DNMT3A: variants seen among roughly 807,000 people sequenced by gnomAD.
DNMT3A encodes DNA methyltransferase 3 alpha.
A neutral mutation model predicts 117.6 loss-of-function variants in DNMT3A; 267 were observed. That is an observed-to-expected ratio of 2.27 (90% CI 2.05 to 2.51). DNMT3A has a LOEUF of 2.51. DNMT3A is among the 30% of genes most tolerant of loss of function. DNMT3A has a pLI of 0.00. For synonymous variants in DNMT3A, 432 were observed against 474.8 expected (o/e 0.91, Z 1.17); for missense variants, 1,029 against 1,260.2 (o/e 0.82, Z 2.78).
chr2:25,256,649 G>T (rs193195006), intron 6 of DNMT3A, among the ~76,000 whole-genome samples: 78 of 152,036 alleles, frequency 5.1e-4, no homozygotes, highest in Admixed American at 1.8e-3. Context: ...TGACAGTGCT[G>T]CCCTGGCCCC....
chr2:25,319,970 A>G (rs911050866), intron 1 of DNMT3A, among the ~76,000 whole-genome samples: 2 of 152,134 alleles, frequency 1.3e-5, no homozygotes, highest in African/African-American at 2.4e-5. Context: ...GGATTTTGCC[A>G]TGTTGGCCAG....
In DNMT3A at chr2:25,327,430, G is replaced by A. The variant is rs1413455001; in HGVS notation, c.-177-13269C>T. On this transcript the variant is annotated intron_variant, in intron 1 of 22. Coordinates refer to ENST00000321117, the MANE Select transcript of DNMT3A (RefSeq NM_022552.5). The surrounding 1 kb of genome is among the most constrained non-coding windows in gnomAD (Gnocchi z 4.1). Reference sequence around the variant, plus strand: ...CAGCCATTTCTTGAGTGCCATTGTGGAGCCGGGCCCTGGAGTGAAAGGAGA... The same window carrying A: ...CAGCCATTTCTTGAGTGCCATTGTGAAGCCGGGCCCTGGAGTGAAAGGAGA... 6.6e-6 allele frequency among the ~76,000 whole-genome samples: 1 copy of A among 152,096 alleles called. No individual in the cohort carries two copies. The highest frequency in any genetic ancestry group is 1.5e-5 in the Non-Finnish European group (1 of 68,038).
intron 1 of DNMT3A, among the ~76,000 whole-genome samples, chr2:25,341,012 G>A (rs1242035730): frequency 6.8e-6 from 1 of 146,688 alleles, no homozygotes; most frequent in Non-Finnish European, 1.5e-5. Flanking sequence ...CACTCCGGGG[G>A]AAGGTGTGCC....
At chr2:25,319,471 A>G in intron 1 of DNMT3A, among the ~76,000 whole-genome samples, 1 of 152,308 alleles carries the variant, frequency 6.6e-6, no homozygotes, top group African/African-American at 2.4e-5. Flanking sequence ...ATCTTCAGAC[A>G]TATGAGGCCT....
rs587778237 is a variant in DNMT3A at position 25,248,090 on chromosome 2, C to T, written c.802G>A (p.Asp268Asn). Reference protein sequence around the residue: ...VATTPEPVGSDAGDKNATKAG... With the variant: ...VATTPEPVGSNAGDKNATKAG... ...TTGGTGGCATTCTTGTCCCCAGCAT[C>T]GGACCCCACGGGCTCAGGCGTGGTA... is the stretch of plus-strand genomic sequence containing the variant. Residue 268 changes from aspartate (D) to asparagine (N), a missense_variant, in exon 7 of 23, where the codon GAT (aspartate) becomes AAT (asparagine). Coordinates refer to ENST00000321117, the MANE Select transcript of DNMT3A (RefSeq NM_022552.5). 3.7e-6 allele frequency: 6 copies of T among 1,613,082 alleles called. No individual in the cohort carries two copies. The highest frequency in any genetic ancestry group is 1.8e-4 in the Middle Eastern group (1 of 5,412).
intron 6 of DNMT3A, among the ~76,000 whole-genome samples, chr2:25,272,127 C>A (rs2030959719): frequency 6.6e-6 from 1 of 152,098 alleles, no homozygotes; most frequent in African/African-American, 2.4e-5. Flanking sequence ...GCTGGGATTA[C>A]AGGTGCCCGC....
At chr2:25,268,044 C>T (rs1173437755) in intron 6 of DNMT3A, among the ~76,000 whole-genome samples, 1 of 152,110 alleles carries the variant, frequency 6.6e-6, no homozygotes, top group Non-Finnish European at 1.5e-5. Context: ...AAACAGCAGC[C>T]AACCCTTAAG....
chr2:25,340,101 G>C (rs1034924203), intron 1 of DNMT3A, among the ~76,000 whole-genome samples: 7 of 152,228 alleles, frequency 4.6e-5, no homozygotes, highest in African/African-American at 1.7e-4. Flanking sequence ...TGGTTTGGAG[G>C]GGGGGTAGCT....
chr2:25,341,923 C>T lies in DNMT3A; in HGVS notation c.-275G>A. ...CTGCTCTCGCCGCCGCCGCCGCCCG[C>T]GCGCCCTCCCTCCCTCCCGGCCCGC... On this transcript the variant is annotated 5_prime_UTR_variant, in exon 1 of 23. Coordinates refer to ENST00000321117, the MANE Select transcript of DNMT3A (RefSeq NM_022552.5). The T allele has an allele frequency of 1.0e-6, 1 of 979,544 alleles. No homozygotes were observed. Among genetic ancestry groups the T allele is most frequent in the African/African-American group, 1.8e-5 (1 of 56,338 alleles). The allele number at this position is 979,544 out of a possible 1,614,324, so 60.7% of individuals were successfully genotyped here.
At chr2:25,335,688 C>G (rs2035189522) in intron 1 of DNMT3A, among the ~76,000 whole-genome samples, 1 of 152,214 alleles carries the variant, frequency 6.6e-6, no homozygotes, top group South Asian at 2.1e-4. Flanking sequence ...CAAGTTCCAG[C>G]TCTCCGGTTA....
chr2:25,232,017 T>G lies in DNMT3A; in HGVS notation c.*2262A>C, dbSNP rs1486617720. ...ATGCTCCTGTGTATGCGTGTGAGATTGACTGATTGGTGTGGGGTTTAGGTC... is the reference window on the plus strand; with the variant it reads ...ATGCTCCTGTGTATGCGTGTGAGATGGACTGATTGGTGTGGGGTTTAGGTC... On this transcript the variant is annotated 3_prime_UTR_variant, in exon 23 of 23. Coordinates refer to ENST00000321117, the MANE Select transcript of DNMT3A (RefSeq NM_022552.5). This position sits in a 1 kb window ranked among gnomAD's most constrained non-coding sequence, Gnocchi z 4.1. 2.0e-5 allele frequency: 3 copies of G among 152,188 alleles called. No homozygotes were observed. Among genetic ancestry groups the G allele is most frequent in the African/African-American group, 7.2e-5 (3 of 41,384 alleles). The allele number at this position is 152,188 out of a possible 1,614,324, so 9.4% of individuals were successfully genotyped here. A position where few individuals can be genotyped will look rare whatever the true frequency, so the allele number is the denominator to read the frequency against.
At position 25,298,335 on chromosome 2, in the gene DNMT3A, T is replaced by C. The variant is rs927831941; in HGVS notation, c.177+1804A>G. ...CTTCTCTGTCATTGTCTAGGTGATG[T>C]CCCCACACTCCTGTCCCTGACTTCC... On this transcript the variant is annotated intron_variant, in intron 3 of 22. Transcript: ENST00000321117. The surrounding 1 kb of genome is among the most constrained non-coding windows in gnomAD (Gnocchi z 4.3). Among the ~76,000 whole-genome samples, 1 of 152,138 alleles carries C rather than the reference T, an allele frequency of 6.6e-6. No homozygotes were observed. Among genetic ancestry groups the C allele is most frequent in the Non-Finnish European group, 1.5e-5 (1 of 68,020 alleles).
rs1028490723 is a variant in DNMT3A, at chr2:25,281,726, T to C, written c.448+715A>G. On this transcript the variant is annotated intron_variant, in intron 4 of 22. Transcript: ENST00000321117. This position sits in a 1 kb window ranked among gnomAD's most constrained non-coding sequence, Gnocchi z 4.8. ...CATTACTAACATGTTTACAGCTCGG[T>C]TGGCCCTGAAATTGCTGGCTTAACC... 15 of 1,065,872 alleles carry C rather than the reference T, an allele frequency of 1.4e-5. No individual in the cohort carries two copies. The highest frequency in any genetic ancestry group is 1.1e-6 in the Non-Finnish European group (1 of 879,674). The allele number at this position is 1,065,872 out of a possible 1,614,324, so 66.0% of individuals were successfully genotyped here. A position where few individuals can be genotyped will look rare whatever the true frequency, so the allele number is the denominator to read the frequency against.
At chr2:25,276,501 C>T (rs911598808) in intron 4 of DNMT3A, among the ~76,000 whole-genome samples, 4 of 152,232 alleles carry the variant, frequency 2.6e-5, no homozygotes, top group African/African-American at 9.6e-5. Flanking sequence ...TCTCAATTTC[C>T]CTATTGAGAC....
Position 25,237,526 on chromosome 2 carries a change from G to A in DNMT3A, c.2409-521C>T, listed in dbSNP as rs1247306261. ...CTCATGCCTGCAATCCCAGCCCTTT[G>A]GAAGGCTGAGGCAGGCGGGTCACCT... On this transcript the variant is annotated intron_variant, in intron 20 of 22. Coordinates refer to ENST00000321117, the MANE Select transcript of DNMT3A (RefSeq NM_022552.5). The surrounding 1 kb of genome is among the most constrained non-coding windows in gnomAD (Gnocchi z 5.4). Among the ~76,000 whole-genome samples the A allele has an allele frequency of 4.6e-5, 7 of 152,198 alleles. No homozygotes were observed. The highest frequency in any genetic ancestry group is 7.4e-5 in the Non-Finnish European group (5 of 68,022).
At position 25,236,877 on chromosome 2, in the gene DNMT3A, C is replaced by T; in HGVS notation, c.2478+59G>A. On this transcript the variant is annotated intron_variant, in intron 21 of 22. Transcript: ENST00000321117. The surrounding 1 kb of genome is among the most constrained non-coding windows in gnomAD (Gnocchi z 4.5). ...GACAAGGCCCTGGCCACCGCTCCAC[C>T]TCATCCTGCCCTTCCTTCTCCCTGC... The T allele has an allele frequency of 2.6e-6, 4 of 1,559,208 alleles. No individual in the cohort carries two copies. Among genetic ancestry groups the T allele is most frequent in the Non-Finnish European group, 2.6e-6 (3 of 1,146,184 alleles).
chr2:25,308,601 G>C (rs1435051012), intron 2 of DNMT3A, among the ~76,000 whole-genome samples: 1 of 151,364 alleles, frequency 6.6e-6, no homozygotes, highest in Non-Finnish European at 1.5e-5. Flanking sequence ...ATTATCGCTG[G>C]CTGGGTCTCT....
chr2:25,242,467 T>C (rs923654760), intron 16 of DNMT3A, among the ~76,000 whole-genome samples: 5 of 152,218 alleles, frequency 3.3e-5, no homozygotes, highest in Admixed American at 6.5e-5. Flanking sequence ...AAGGAGCTTT[T>C]ACAGCCTCCT....
At chr2:25,302,432 G>A (rs139243778) in intron 2 of DNMT3A, among the ~76,000 whole-genome samples, 3 of 152,322 alleles carry the variant, frequency 2.0e-5, no homozygotes, top group Non-Finnish European at 4.4e-5. Context: ...CACAGCAGAG[G>A]AAGCATCTGG....
Sources: allele counts gnomAD v4.1 joint callset (sites outside exome capture counted in the v4.1 genomes callset), GRCh38; gene constraint gnomAD v4.1.1; non-coding constraint Gnocchi (gnomAD v3.1); transcripts MANE v1.5; gene names NCBI Gene and HGNC (gene_info 2026-07-23, HGNC 2026-07-21).